Variants in MGAT4C observed in about 807,000 individuals in gnomAD.
MGAT4C encodes alpha-1,3-mannosyl-glycoprotein 4-beta-N-acetylglucosaminyltransferase C.
In MGAT4C, 19 loss-of-function variants were observed where a neutral mutation model predicts 40.1. That is an observed-to-expected ratio of 0.47 (90% confidence interval 0.33 to 0.70). The LOEUF (loss-of-function observed/expected upper bound fraction) is 0.70, where lower values mean the gene tolerates loss of function less well. Ranked by LOEUF, MGAT4C falls within the 30% of genes least tolerant of loss-of-function variation. The pLI, the probability that MGAT4C is intolerant of heterozygous loss-of-function variation, is 0.02. For synonymous variants in MGAT4C, 181 were observed against 187.1 expected (o/e 0.97, Z 0.27); for missense variants, 491 against 563.2 (o/e 0.87, Z 1.30).
intron 2 of MGAT4C, among the ~76,000 whole-genome samples, chr12:86,530,840 C>T (rs1958969535): frequency 6.6e-6 from 1 of 152,006 alleles, no homozygotes; most frequent in Non-Finnish European, 1.5e-5. Flanking sequence ...ATAATATATA[C>T]TCCATTAGGA....
At chr12:86,728,192 T>G (rs894117201) in intron 1 of MGAT4C, among the ~76,000 whole-genome samples, 9 of 152,206 alleles carry the variant, frequency 5.9e-5, no homozygotes, top group Admixed American at 4.6e-4. Context: ...TACCTTGTAT[T>G]ACATAAATTA....
intron 2 of MGAT4C, among the ~76,000 whole-genome samples, chr12:86,026,626 G>A (rs536271637): frequency 6.6e-6 from 1 of 152,008 alleles, no homozygotes; most frequent in Admixed American, 6.6e-5. Flanking sequence ...TAGTAAAATT[G>A]ATGGGTCAAA....
intron 1 of MGAT4C, among the ~76,000 whole-genome samples, chr12:86,249,823 A>C (rs1952192453): frequency 6.6e-6 from 1 of 152,164 alleles, no homozygotes; most frequent in Non-Finnish European, 1.5e-5. Context: ...TAATTTTCCA[A>C]AACTCAGCTA....
intron 3 of MGAT4C, among the ~76,000 whole-genome samples, chr12:86,382,633 T>G (rs1430920288): frequency 6.6e-6 from 1 of 152,050 alleles, no homozygotes; most frequent in Non-Finnish European, 1.5e-5. Context: ...CCCAGGGGTT[T>G]AGGAGGAAAA....
At chr12:86,115,403 A>G (rs1033020352) in intron 1 of MGAT4C, among the ~76,000 whole-genome samples, 1 of 151,966 alleles carries the variant, frequency 6.6e-6, no homozygotes, top group African/African-American at 2.4e-5. Flanking sequence ...TTAATGATAC[A>G]ATACTAATTT....
At chr12:86,732,832 A>G (rs1316976424) in intron 1 of MGAT4C, among the ~76,000 whole-genome samples, 1 of 150,130 alleles carries the variant, frequency 6.7e-6, no homozygotes, top group Non-Finnish European at 1.5e-5. Flanking sequence ...CTCCAGCAAA[A>G]AAAAAAAAAA....
intron 1 of MGAT4C, among the ~76,000 whole-genome samples, chr12:86,095,636 CT>C (rs11332636): frequency 0.13 from 18,806 of 144,186 alleles, 1,305 homozygotes; most frequent in East Asian, 0.32. Flanking sequence ...GGACTATTTT[CT>C]TTTTTTTTTT....
intron 2 of MGAT4C, among the ~76,000 whole-genome samples, chr12:86,601,489 T>G (rs1961777633): frequency 6.6e-6 from 1 of 152,116 alleles, no homozygotes. Flanking sequence ...AGCGGTTACC[T>G]GTGTCCGGTC....
intron 2 of MGAT4C, among the ~76,000 whole-genome samples, chr12:86,602,883 C>CGTGTGTGTGTGT (rs35262458): frequency 5.6e-4 from 82 of 147,680 alleles, no homozygotes; most frequent in African/African-American, 1.9e-3. Flanking sequence ...TGCCCATCTG[C>CGTGTGTGTGTGT]GTGTGTGTGT....
chr12:86,356,210 A>C (rs936352498), intron 3 of MGAT4C, among the ~76,000 whole-genome samples: 1 of 152,232 alleles, frequency 6.6e-6, no homozygotes, highest in Non-Finnish European at 1.5e-5. Flanking sequence ...GTATCAATAC[A>C]GTAACACCAA....
chr12:86,769,919 A>C (rs548047028), intron 1 of MGAT4C, among the ~76,000 whole-genome samples: 2 of 152,012 alleles, frequency 1.3e-5, no homozygotes, highest in African/African-American at 4.8e-5. Context: ...GCTAAATGAC[A>C]AGTTAATGGG....
At chr12:86,047,196 G>A (rs1892484051) in intron 2 of MGAT4C, among the ~76,000 whole-genome samples, 1 of 152,036 alleles carries the variant, frequency 6.6e-6, no homozygotes. Flanking sequence ...AGGCATAGCA[G>A]TTGTTTATAA....
chr12:86,675,833 T>C (rs1229935981), intron 2 of MGAT4C, among the ~76,000 whole-genome samples: 2 of 152,104 alleles, frequency 1.3e-5, no homozygotes, highest in Non-Finnish European at 2.9e-5. Context: ...ACTGGGAAAA[T>C]TTGAATTATT....
At chr12:86,470,557 C>A (rs578031775) in intron 2 of MGAT4C, among the ~76,000 whole-genome samples, 53 of 152,148 alleles carry the variant, frequency 3.5e-4, no homozygotes, top group Middle Eastern at 6.9e-3. Context: ...AGCTTATTTG[C>A]TTTTTTATTT....
At chr12:86,751,343 C>T (rs1317663832) in intron 1 of MGAT4C, among the ~76,000 whole-genome samples, 1 of 151,916 alleles carries the variant, frequency 6.6e-6, no homozygotes, top group Non-Finnish European at 1.5e-5. Context: ...TTATGTCTAT[C>T]AACTTGTGAG....
At chr12:86,680,981 T>C (rs1483506516) in intron 2 of MGAT4C, among the ~76,000 whole-genome samples, 7 of 151,980 alleles carry the variant, frequency 4.6e-5, no homozygotes, top group African/African-American at 1.7e-4. Context: ...ATGGGACTAT[T>C]GTGCATTCTG....
At chr12:86,081,837 A>G (rs567663478) in intron 1 of MGAT4C, among the ~76,000 whole-genome samples, 5 of 152,306 alleles carry the variant, frequency 3.3e-5, no homozygotes, top group African/African-American at 1.2e-4. Context: ...ACATTGCCGA[A>G]TGTGACAGGC....
chr12:86,364,694 A>T (rs746457057), intron 3 of MGAT4C, among the ~76,000 whole-genome samples: 2 of 152,118 alleles, frequency 1.3e-5, no homozygotes, highest in Non-Finnish European at 2.9e-5. Flanking sequence ...GAGAAATTTT[A>T]AAGCTGGGTG....
intron 1 of MGAT4C, among the ~76,000 whole-genome samples, chr12:86,811,298 AT>A (rs1021148585): frequency 7.0e-6 from 1 of 143,350 alleles, no homozygotes. Context: ...GAACAGTTCC[AT>A]TTTTTTCTAA....
Sources: gnomAD v4.1 joint callset for allele counts (sites outside exome capture counted in the v4.1 genomes callset) on GRCh38, gnomAD v4.1.1 for gene constraint, MANE v1.5 for transcripts, NCBI Gene and HGNC (gene_info 2026-07-23, HGNC 2026-07-21) for gene names.